The following SHC4 variants were observed in gnomAD, a reference collection of about 807,000 sequenced individuals.
The protein encoded by SHC4 is SHC adaptor protein 4, also known as SHC-transforming protein 4.
SHC4 carries 41 observed loss-of-function variants against 69.4 expected under a neutral mutation model. That is an observed-to-expected ratio of 0.59 (90% CI 0.46 to 0.77). The LOEUF is 0.77. SHC4 is among the 30% of genes least tolerant of loss of function. The pLI, the probability that SHC4 is intolerant of heterozygous loss-of-function variation, is 0.00. For missense variants in SHC4, 777 were observed against 783.8 expected (o/e 0.99, Z 0.10); for synonymous variants, 318 against 299.3 (o/e 1.06, Z -0.64).
chr15:48,961,326 T>G (rs867907838), intron 1 of SHC4, among the ~76,000 whole-genome samples: 9 of 152,238 alleles, frequency 5.9e-5, no homozygotes, highest in South Asian at 2.1e-4. Flanking sequence ...AGAGCTTCAG[T>G]CAACTTCGGT....
chr15:48,900,189 T>C (rs1035914060), intron 2 of SHC4, among the ~76,000 whole-genome samples: 1 of 151,994 alleles, frequency 6.6e-6, no homozygotes, highest in Non-Finnish European at 1.5e-5. Flanking sequence ...CCTCTCTGCC[T>C]CCCCCATTCT....
chr15:48,875,229 T>C (rs1191605282), intron 4 of SHC4, among the ~76,000 whole-genome samples: 2 of 152,250 alleles, frequency 1.3e-5, no homozygotes, highest in Non-Finnish European at 2.9e-5. Flanking sequence ...TAAACTGCTT[T>C]GTCACATGGA....
At chr15:48,905,508 G>C (rs1009464380) in intron 2 of SHC4, among the ~76,000 whole-genome samples, 4 of 152,204 alleles carry the variant, frequency 2.6e-5, no homozygotes, top group Non-Finnish European at 5.9e-5. Context: ...TAAGACTAGA[G>C]GCTGGCCACT....
At chr15:48,851,051 C>T in intron 9 of SHC4, 137 bp downstream of exon 9, 2 of 726,820 alleles carry the variant, frequency 2.8e-6, no homozygotes, top group Non-Finnish European at 2.3e-6. Flanking sequence ...ATCTGAGAAG[C>T]CTACAGTCAA....
chr15:48,839,384 C>A (rs886313973), intron 10 of SHC4, among the ~76,000 whole-genome samples: 6 of 152,164 alleles, frequency 3.9e-5, no homozygotes, highest in Admixed American at 2.6e-4. Context: ...AGTGGCGAAG[C>A]CCCCAAGAAA....
intron 6 of SHC4, among the ~76,000 whole-genome samples, chr15:48,859,167 A>G (rs932697134): frequency 7.2e-5 from 11 of 152,252 alleles, no homozygotes; most frequent in African/African-American, 2.7e-4. Flanking sequence ...TGTAGAGCTG[A>G]TAACAGTAAG....
intron 1 of SHC4, among the ~76,000 whole-genome samples, chr15:48,935,749 G>C (rs1901057813): frequency 6.6e-6 from 1 of 152,060 alleles, no homozygotes; most frequent in Non-Finnish European, 1.5e-5. Flanking sequence ...CCTGGAATAG[G>C]GAAGCAAGTT....
chr15:48,892,860 T>C (rs1175091927), intron 2 of SHC4, among the ~76,000 whole-genome samples: 1 of 114,864 alleles, frequency 8.7e-6, no homozygotes, highest in Non-Finnish European at 1.7e-5. Flanking sequence ...CAAAACTCCG[T>C]CTCAAAAAAA....
chr15:48,944,726 C>T (rs1029829605), intron 1 of SHC4, among the ~76,000 whole-genome samples: 7 of 152,162 alleles, frequency 4.6e-5, no homozygotes, highest in African/African-American at 1.4e-4. Context: ...TTTCAGATGG[C>T]AGCTGAGGAG....
intron 2 of SHC4, among the ~76,000 whole-genome samples, chr15:48,895,912 T>A (rs1375624601): frequency 6.6e-6 from 1 of 152,062 alleles, no homozygotes; most frequent in Non-Finnish European, 1.5e-5. Context: ...TGAGTCCTTG[T>A]GTCCACAAAA....
chr15:48,871,416 G>T (rs988418958), intron 5 of SHC4, among the ~76,000 whole-genome samples: 2 of 152,210 alleles, frequency 1.3e-5, no homozygotes, highest in Non-Finnish European at 2.9e-5. Context: ...TTTGCTTCTT[G>T]CTCAGTTGCA....
chr15:48,856,232 T>C (rs987744825), intron 7 of SHC4, 108 bp from the exon 8 acceptor site: 3 of 1,063,478 alleles, frequency 2.8e-6, no homozygotes, highest in Admixed American at 2.4e-5. Context: ...TTTGCATTCA[T>C]GTTTTCAGTT....
chr15:48,939,026 A>G (rs1438008044), intron 1 of SHC4, among the ~76,000 whole-genome samples: 1 of 152,228 alleles, frequency 6.6e-6, no homozygotes, highest in African/African-American at 2.4e-5. Flanking sequence ...GTGAGGATCC[A>G]ATCAGGTAAT....
At chr15:48,877,347 T>C (rs1567059174) in intron 4 of SHC4, 2 of 713,658 alleles carry the variant, frequency 2.8e-6, no homozygotes, top group Non-Finnish European at 3.4e-6. Context: ...AATGTAATAA[T>C]AATAGAAATA....
chr15:48,940,130 A>G (rs1343293347), intron 1 of SHC4, among the ~76,000 whole-genome samples: 2 of 152,166 alleles, frequency 1.3e-5, no homozygotes, highest in South Asian at 4.1e-4. Context: ...ATCCACCATC[A>G]AGTTGGTTAT....
intron 1 of SHC4, among the ~76,000 whole-genome samples, chr15:48,956,052 GAGA>G (rs1309008285): frequency 6.6e-6 from 1 of 152,220 alleles, no homozygotes; most frequent in African/African-American, 2.4e-5. Context: ...AAGGTCTAGA[GAGA>G]AGAACAGGGG....
intron 2 of SHC4, among the ~76,000 whole-genome samples, chr15:48,901,769 C>A (rs556850389): frequency 1.5e-4 from 23 of 152,220 alleles, no homozygotes; most frequent in African/African-American, 5.5e-4. Context: ...TCTCTGTCAC[C>A]CTGAACAAGT....
chr15:48,945,511 C>T (rs1463038030), intron 1 of SHC4, among the ~76,000 whole-genome samples: 2 of 152,122 alleles, frequency 1.3e-5, no homozygotes, highest in African/African-American at 2.4e-5. Flanking sequence ...GTGGTATTGC[C>T]GTACAATGGA....
intron 2 of SHC4, among the ~76,000 whole-genome samples, chr15:48,924,332 C>T (rs1385845579): frequency 2.6e-5 from 4 of 152,176 alleles, no homozygotes; most frequent in Admixed American, 2.6e-4. Context: ...ATTTCTGCTT[C>T]TGACTTGAGC....
Sources: allele counts gnomAD v4.1 joint callset (sites outside exome capture counted in the v4.1 genomes callset), GRCh38; gene constraint gnomAD v4.1.1; transcripts MANE v1.5; gene names NCBI Gene and HGNC (gene_info 2026-07-23, HGNC 2026-07-21).